The following BMAL1 variants were observed in gnomAD, a reference collection of about 807,000 sequenced individuals.
BMAL1 encodes basic helix-loop-helix ARNT-like protein 1.
chr11:13,382,363 CTA>C, the BMAL1 span, among the ~76,000 whole-genome samples: 1 of 152,134 alleles, frequency 6.6e-6, no homozygotes, highest in African/African-American at 2.4e-5. Context: ...CTTTCAAGCC[CTA>C]GTTTTCTTTA....
chr11:13,327,390 G>A, the BMAL1 span, among the ~76,000 whole-genome samples: 4 of 152,152 alleles, frequency 2.6e-5, 1 homozygote, highest in East Asian at 3.9e-4. Flanking sequence ...CAAAGCCACA[G>A]ATTGAGTCTG....
the BMAL1 span, chr11:13,379,864 G>A: frequency 6.6e-6 from 1 of 152,166 alleles, no homozygotes; most frequent in Non-Finnish European, 1.5e-5. Context: ...CACAAGAAAT[G>A]ATACTGTGCA....
At chr11:13,367,152 G>A in the BMAL1 span, among the ~76,000 whole-genome samples, 16 of 152,052 alleles carry the variant, frequency 1.1e-4, no homozygotes, top group South Asian at 3.1e-3. Flanking sequence ...CTATTTACCT[G>A]AATTGCACAC....
the BMAL1 span, among the ~76,000 whole-genome samples, chr11:13,295,912 C>G: frequency 6.6e-6 from 1 of 152,204 alleles, no homozygotes; most frequent in Admixed American, 6.5e-5. Flanking sequence ...CAGCCACCCC[C>G]AGTCCCCTTC....
chr11:13,378,464 T>C, the BMAL1 span: 3 of 1,601,980 alleles, frequency 1.9e-6, no homozygotes, highest in Admixed American at 5.1e-5. Flanking sequence ...CACCTTCTAG[T>C]TCCTCTGTTA....
the BMAL1 span, chr11:13,355,049 T>G: frequency 2.0e-6 from 1 of 509,768 alleles, no homozygotes; most frequent in Non-Finnish European, 3.5e-6. Flanking sequence ...CCCTTCTATA[T>G]ATGTACAAAC....
chr11:13,307,428 A>T, the BMAL1 span, among the ~76,000 whole-genome samples: 1 of 152,174 alleles, frequency 6.6e-6, no homozygotes, highest in African/African-American at 2.4e-5. Context: ...TTTGCACTTC[A>T]CCTGTAGCGA....
At chr11:13,324,628 G>A in the BMAL1 span, among the ~76,000 whole-genome samples, 1 of 152,160 alleles carries the variant, frequency 6.6e-6, no homozygotes, top group Non-Finnish European at 1.5e-5. Context: ...ATGTTTGTTT[G>A]TCTTCTTATT....
At chr11:13,372,310 A>T in the BMAL1 span, 1 of 1,614,174 alleles carries the variant, frequency 6.2e-7, no homozygotes. Flanking sequence ...CTGCATTCTC[A>T]TGTAGTTCCA....
the BMAL1 span, among the ~76,000 whole-genome samples, chr11:13,339,659 C>T: frequency 2.6e-5 from 4 of 152,126 alleles, no homozygotes; most frequent in African/African-American, 7.2e-5. Flanking sequence ...CTGGGCAGCT[C>T]CCTGCGGCCC....
the BMAL1 span, among the ~76,000 whole-genome samples, chr11:13,301,848 A>G: frequency 1.3e-5 from 2 of 152,366 alleles, no homozygotes; most frequent in African/African-American, 4.8e-5. Flanking sequence ...CCCATTTTAC[A>G]GATGAGGAAG....
the BMAL1 span, among the ~76,000 whole-genome samples, chr11:13,377,827 G>A: frequency 6.6e-6 from 1 of 152,202 alleles, no homozygotes; most frequent in Admixed American, 6.5e-5. Context: ...GCTGTGCCTG[G>A]AATGCTTTCT....
chr11:13,333,295 G>C, the BMAL1 span, among the ~76,000 whole-genome samples: 53 of 152,272 alleles, frequency 3.5e-4, no homozygotes, highest in Non-Finnish European at 6.6e-4. Context: ...TCCAGAGTAA[G>C]AAAATGTTGA....
the BMAL1 span, among the ~76,000 whole-genome samples, chr11:13,363,160 ATATATATG>A: frequency 6.9e-6 from 1 of 144,066 alleles, no homozygotes; most frequent in Non-Finnish European, 1.5e-5. Context: ...ATATATATAT[ATATATATG>A]TAAAATAATT....
chr11:13,358,682 T>G, the BMAL1 span: 2 of 1,305,224 alleles, frequency 1.5e-6, no homozygotes, highest in Non-Finnish European at 2.0e-6. Context: ...GGCAGATGTT[T>G]ATTACTTGCA....
chr11:13,355,380 C>T, the BMAL1 span: 2 of 1,279,960 alleles, frequency 1.6e-6, no homozygotes, highest in Non-Finnish European at 2.3e-6. Context: ...TCTTCCATAG[C>T]AGTAACTCCC....
the BMAL1 span, chr11:13,350,056 G>A: frequency 6.6e-6 from 1 of 152,316 alleles, no homozygotes; most frequent in East Asian, 1.9e-4. Flanking sequence ...TGGGGTGTAA[G>A]AACTGTGACT....
chr11:13,354,159 C>A, the BMAL1 span: 1 of 771,624 alleles, frequency 1.3e-6, no homozygotes, highest in Non-Finnish European at 2.1e-6. Context: ...GTGAGAGATG[C>A]ATTAGTGCTG....
chr11:13,331,762 C>T, the BMAL1 span, among the ~76,000 whole-genome samples: 1 of 152,154 alleles, frequency 6.6e-6, no homozygotes, highest in African/African-American at 2.4e-5. Context: ...CTCTTTCTTG[C>T]CCTGGGCTGC....
Sources: allele counts gnomAD v4.1 joint callset (sites outside exome capture counted in the v4.1 genomes callset), GRCh38; gene constraint gnomAD v4.1.1; transcripts MANE v1.5; gene names NCBI Gene and HGNC (gene_info 2026-07-23, HGNC 2026-07-21).